The following KIF16B variants were observed in gnomAD, a reference collection of about 807,000 sequenced individuals.
KIF16B encodes kinesin family member 16B.
Under a neutral mutation model 156.3 loss-of-function variants are expected in KIF16B, and 98 were observed. The observed-to-expected ratio is 0.63, with a 90% CI of 0.53 to 0.74. KIF16B has a LOEUF of 0.74. KIF16B is among the 30% of genes least tolerant of loss of function. KIF16B has a pLI of 0.00. For synonymous variants in KIF16B, 564 were observed against 583.7 expected, an observed-to-expected ratio of 0.97 and a Z score of 0.49; for missense variants, 1,421 against 1,606.5, an observed-to-expected ratio of 0.88 and a Z score of 1.97.
Position 16,509,950 on chromosome 20 carries a change from AT to A in KIF16B, c.556+1467del, listed in dbSNP as rs556762449. 3.4e-3 allele frequency among the ~76,000 whole-genome samples: 520 copies of A among 152,204 alleles called. 3 individuals are homozygous for A. Among genetic ancestry groups the A allele is most frequent in the African/African-American group, 0.012 (487 of 41,530 alleles). ...AATTAACCCACGGATTTTTATAGTC[AT>A]TTTATTATTTAATATTTTTGCACTT... On this transcript the variant is annotated intron_variant, in intron 6 of 25. Transcript: ENST00000354981.
chr20:16,303,759 C>G (rs1028883682), intron 25 of KIF16B, among the ~76,000 whole-genome samples: 2 of 152,046 alleles, frequency 1.3e-5, no homozygotes, highest in East Asian at 1.9e-4. Context: ...AATCAACAAG[C>G]AAAAAACTTT....
chr20:16,343,157 CCTCT>C (rs1456315954), intron 23 of KIF16B, among the ~76,000 whole-genome samples: 1 of 152,140 alleles, frequency 6.6e-6, no homozygotes, highest in African/African-American at 2.4e-5. Context: ...TACTTCTCTC[CCTCT>C]GAGTGGTTTC....
chr20:16,358,615 C>A (rs539592083), intron 22 of KIF16B, among the ~76,000 whole-genome samples: 8 of 152,138 alleles, frequency 5.3e-5, no homozygotes, highest in Non-Finnish European at 1.2e-4. Flanking sequence ...GGGAGGGACC[C>A]AACTATGAAC....
chr20:16,420,663 T>C (rs2066203435), intron 15 of KIF16B, among the ~76,000 whole-genome samples: 1 of 152,100 alleles, frequency 6.6e-6, no homozygotes, highest in Admixed American at 6.6e-5. Context: ...TTTACTTCTA[T>C]AAAAGGAAAA....
Position 16,434,003 on chromosome 20 carries a change from T to C in KIF16B, c.1303-4021A>G, listed in dbSNP as rs77951704. On this transcript the variant is annotated intron_variant, in intron 12 of 25. Coordinates refer to ENST00000354981, the MANE Select transcript of KIF16B (RefSeq NM_024704.5). ...GTCCCAAAGAAATCAATGTAAAATA[T>C]GTATACTTGCATATATTTTACATTG... 7.6e-3 allele frequency among the ~76,000 whole-genome samples: 1,150 copies of C among 152,246 alleles called. 8 individuals carry two copies. Among genetic ancestry groups the C allele is most frequent in the Non-Finnish European group, 0.013 (877 of 68,030 alleles).
At chr20:16,278,731 G>A (rs900510729) in intron 25 of KIF16B, among the ~76,000 whole-genome samples, 3 of 152,176 alleles carry the variant, frequency 2.0e-5, no homozygotes, top group Non-Finnish European at 2.9e-5. Flanking sequence ...CAGAAGACAC[G>A]AGCAGAAGAA....
intron 19 of KIF16B, 37 bp from the exon 20 acceptor site, chr20:16,374,446 A>G: frequency 6.8e-7 from 1 of 1,469,156 alleles, no homozygotes; most frequent in South Asian, 1.6e-5. Flanking sequence ...ATTCATTAAT[A>G]GTATTTCCCG....
chr20:16,478,913 T>A (rs896042549), intron 12 of KIF16B, among the ~76,000 whole-genome samples: 1 of 152,204 alleles, frequency 6.6e-6, no homozygotes, highest in Non-Finnish European at 1.5e-5. Flanking sequence ...GGGGGGACTA[T>A]TGTACACCTA....
At chr20:16,322,353 A>G (rs1167500131) in intron 24 of KIF16B, among the ~76,000 whole-genome samples, 1 of 152,020 alleles carries the variant, frequency 6.6e-6, no homozygotes, top group Non-Finnish European at 1.5e-5. Context: ...CCAAGCCTCT[A>G]CATTTTTGGT....
chr20:16,515,905 AT>A (rs1448132365), intron 3 of KIF16B, among the ~76,000 whole-genome samples: 1 of 152,238 alleles, frequency 6.6e-6, no homozygotes, highest in Non-Finnish European at 1.5e-5. Flanking sequence ...TTACCAAAAA[AT>A]ATCATGAAGT....
intron 15 of KIF16B, among the ~76,000 whole-genome samples, chr20:16,413,080 T>A (rs139270159): frequency 6.8e-4 from 103 of 152,234 alleles, no homozygotes; most frequent in Middle Eastern, 3.4e-3. Flanking sequence ...TAAATTCTTG[T>A]CAACCATGAA....
intron 23 of KIF16B, among the ~76,000 whole-genome samples, chr20:16,350,171 G>A (rs1232077255): frequency 6.6e-6 from 1 of 152,216 alleles, no homozygotes; most frequent in East Asian, 1.9e-4. Flanking sequence ...TGGACATCAT[G>A]TGTGTGACCT....
chr20:16,290,982 A>G (rs2063306178), intron 25 of KIF16B, among the ~76,000 whole-genome samples: 1 of 152,232 alleles, frequency 6.6e-6, no homozygotes, highest in African/African-American at 2.4e-5. Flanking sequence ...ACTAAGTTTT[A>G]GAAATTGGGC....
chr20:16,541,419 C>A (rs990538114), intron 1 of KIF16B, among the ~76,000 whole-genome samples: 1 of 152,222 alleles, frequency 6.6e-6, no homozygotes, highest in Non-Finnish European at 1.5e-5. Flanking sequence ...CTGGCACAGC[C>A]TCCACTCCGT....
intron 12 of KIF16B, among the ~76,000 whole-genome samples, chr20:16,488,626 T>C (rs1171396636): frequency 2.0e-5 from 3 of 152,160 alleles, no homozygotes; most frequent in South Asian, 2.1e-4. Context: ...GGCAGGGGGA[T>C]TGAGTAGTCA....
chr20:16,530,527 C>A (rs1475691695), intron 1 of KIF16B, among the ~76,000 whole-genome samples: 2 of 152,130 alleles, frequency 1.3e-5, no homozygotes, highest in Admixed American at 1.3e-4. Flanking sequence ...GACAGCCTGG[C>A]AGGGCACGCT....
chr20:16,327,162 T>A (rs1227364081), intron 24 of KIF16B, among the ~76,000 whole-genome samples: 1 of 151,492 alleles, frequency 6.6e-6, no homozygotes, highest in Non-Finnish European at 1.5e-5. Context: ...GCAACCTGGA[T>A]GGAATTGGAG....
intron 23 of KIF16B, among the ~76,000 whole-genome samples, chr20:16,338,806 C>T (rs2064088059): frequency 2.0e-5 from 3 of 152,290 alleles, no homozygotes; most frequent in Admixed American, 6.5e-5. Flanking sequence ...AATCATGCCA[C>T]GTTTTCCAAT....
chr20:16,457,376 G>A (rs957590389), intron 12 of KIF16B, among the ~76,000 whole-genome samples: 7 of 152,122 alleles, frequency 4.6e-5, no homozygotes, highest in Non-Finnish European at 7.4e-5. Context: ...ATCTCTCCCC[G>A]AAAACCATAC....
Sources: gnomAD v4.1 joint callset for allele counts (sites outside exome capture counted in the v4.1 genomes callset) on GRCh38, gnomAD v4.1.1 for gene constraint, MANE v1.5 for transcripts, NCBI Gene and HGNC (gene_info 2026-07-23, HGNC 2026-07-21) for gene names.